The following PCDH9 variants were observed in gnomAD, a reference collection of about 807,000 sequenced individuals.
The protein encoded by PCDH9 is protocadherin-9.
Under a neutral mutation model 70.6 loss-of-function variants are expected in PCDH9, and 24 were observed. The observed-to-expected ratio is 0.34, with a 90% CI of 0.25 to 0.48. The LOEUF (loss-of-function observed/expected upper bound fraction) is 0.48, where lower values mean the gene tolerates loss of function less well. Among genes scored for constraint, PCDH9 ranks in the 20% least tolerant of loss-of-function variants. The pLI is 0.99. For missense variants in PCDH9, 1,281 were observed against 1,503.6 expected (o/e 0.85, Z 2.45); for synonymous variants, 562 against 558.5 (o/e 1.01, Z -0.09).
At chr13:66,857,112 A>T (rs1024926556) in intron 3 of PCDH9, among the ~76,000 whole-genome samples, 5 of 152,038 alleles carry the variant, frequency 3.3e-5, no homozygotes, top group Non-Finnish European at 7.4e-5. Context: ...TTTTTCAAGA[A>T]TTTAATCACG....
chr13:66,657,709 TC>T (rs1430815344), intron 3 of PCDH9, among the ~76,000 whole-genome samples: 3 of 152,160 alleles, frequency 2.0e-5, no homozygotes, highest in Non-Finnish European at 4.4e-5. Context: ...TCATAATATC[TC>T]CTCCTGCCAA....
chr13:66,857,256 T>C (rs1185660383), intron 3 of PCDH9, among the ~76,000 whole-genome samples: 1 of 152,142 alleles, frequency 6.6e-6, no homozygotes, highest in Non-Finnish European at 1.5e-5. Flanking sequence ...TGTGCTTTAT[T>C]ATAAATCCAT....
At chr13:66,703,840 G>A (rs1260836169) in intron 3 of PCDH9, among the ~76,000 whole-genome samples, 4 of 152,040 alleles carry the variant, frequency 2.6e-5, no homozygotes, top group Non-Finnish European at 5.9e-5. Context: ...GGTGGAAGCT[G>A]CAGTGAGCCA....
chr13:66,954,071 C>T (rs1407316486), intron 2 of PCDH9, among the ~76,000 whole-genome samples: 1 of 152,144 alleles, frequency 6.6e-6, no homozygotes, highest in Non-Finnish European at 1.5e-5. Context: ...TTAGGCAGGG[C>T]CATCCATCTA....
At chr13:66,960,008 T>C (rs1415602550) in intron 2 of PCDH9, among the ~76,000 whole-genome samples, 1 of 152,128 alleles carries the variant, frequency 6.6e-6, no homozygotes, top group Admixed American at 6.5e-5. Flanking sequence ...AGAATACTTA[T>C]TAGGGAGAAA....
intron 3 of PCDH9, among the ~76,000 whole-genome samples, chr13:66,817,052 A>T (rs906434175): frequency 1.3e-5 from 2 of 152,022 alleles, no homozygotes; most frequent in Admixed American, 6.6e-5. Flanking sequence ...TTTAAAAAGC[A>T]ATATAGCAAA....
At chr13:67,014,180 G>A (rs1219301626) in intron 2 of PCDH9, among the ~76,000 whole-genome samples, 7 of 151,968 alleles carry the variant, frequency 4.6e-5, no homozygotes, top group East Asian at 1.9e-4. Flanking sequence ...ACTAGCTTAC[G>A]ATACACACTT....
In PCDH9 at chr13:66,743,415, A is replaced by T. The variant is rs1454186532; in HGVS notation, c.3139-112004T>A. Among the ~76,000 whole-genome samples, 3 of 147,370 alleles carry T rather than the reference A, an allele frequency of 2.0e-5. No individual in the cohort carries two copies. In the Admixed American group the frequency reaches 2.1e-4, roughly 10 times the overall value. On this transcript the variant is annotated intron_variant, in intron 3 of 4. Transcript: ENST00000377865. ...GGCTAGATGACGAGTTAGTGGGTGC[A>T]GCGCACCAGCATGGCACATGTATAC...
At chr13:66,360,160 C>T (rs1956445642) in intron 4 of PCDH9, among the ~76,000 whole-genome samples, 1 of 152,012 alleles carries the variant, frequency 6.6e-6, no homozygotes, top group African/African-American at 2.4e-5. Context: ...AACTAAGAGT[C>T]CTTTTTTGCA....
At chr13:66,335,416 C>T (rs1343537841) in intron 4 of PCDH9, among the ~76,000 whole-genome samples, 1 of 152,068 alleles carries the variant, frequency 6.6e-6, no homozygotes, top group Non-Finnish European at 1.5e-5. Context: ...AACAGCAACA[C>T]TCACAACCAA....
intron 3 of PCDH9, among the ~76,000 whole-genome samples, chr13:66,790,496 G>A (rs1217862870): frequency 6.6e-6 from 1 of 151,906 alleles, no homozygotes; most frequent in East Asian, 1.9e-4. Flanking sequence ...AAAATTTCCT[G>A]TCTATGAAGA....
At chr13:66,880,306 CT>C (rs950042678) in intron 3 of PCDH9, 2 of 152,136 alleles carry the variant, frequency 1.3e-5, no homozygotes, top group Non-Finnish European at 2.9e-5. Flanking sequence ...TAAAAAGCCC[CT>C]GGGTACAATC....
intron 2 of PCDH9, among the ~76,000 whole-genome samples, chr13:67,119,635 T>C (rs2086840831): frequency 1.3e-5 from 2 of 152,192 alleles, no homozygotes; most frequent in Admixed American, 6.5e-5. Context: ...AAATTTGTTT[T>C]ATGCTTTATT....
At chr13:66,909,671 A>G (rs1003938108) in intron 2 of PCDH9, among the ~76,000 whole-genome samples, 6 of 152,156 alleles carry the variant, frequency 3.9e-5, no homozygotes, top group Non-Finnish European at 8.8e-5. Context: ...AGGGAGGCTG[A>G]GGCAGGAGAA....
At chr13:66,754,660 G>A (rs2079513331) in intron 3 of PCDH9, among the ~76,000 whole-genome samples, 1 of 151,908 alleles carries the variant, frequency 6.6e-6, no homozygotes, top group Non-Finnish European at 1.5e-5. Flanking sequence ...TCATAACAAT[G>A]TAGTAAATAT....
chr13:66,721,848 T>G (rs2078945244), intron 3 of PCDH9, among the ~76,000 whole-genome samples: 1 of 152,194 alleles, frequency 6.6e-6, no homozygotes, highest in African/African-American at 2.4e-5. Flanking sequence ...CCTGTTATAG[T>G]GCTGCTCTCA....
intron 2 of PCDH9, among the ~76,000 whole-genome samples, chr13:67,102,424 A>G (rs574509700): frequency 6.6e-6 from 1 of 152,286 alleles, no homozygotes; most frequent in Non-Finnish European, 1.5e-5. Context: ...TAAAACACTG[A>G]CATCCAGACA....
At chr13:66,909,517 C>G (rs1465166178) in intron 2 of PCDH9, among the ~76,000 whole-genome samples, 1 of 152,070 alleles carries the variant, frequency 6.6e-6, no homozygotes, top group Non-Finnish European at 1.5e-5. Flanking sequence ...CGCCTGTAAT[C>G]CCAGCACTTT....
At chr13:66,363,510 T>C (rs1311408964) in intron 4 of PCDH9, among the ~76,000 whole-genome samples, 1 of 152,152 alleles carries the variant, frequency 6.6e-6, no homozygotes, top group Non-Finnish European at 1.5e-5. Flanking sequence ...AAGTTCAATA[T>C]TTAAATAACA....
Sources: gnomAD v4.1 joint callset for allele counts (sites outside exome capture counted in the v4.1 genomes callset) on GRCh38, gnomAD v4.1.1 for gene constraint, MANE v1.5 for transcripts, NCBI Gene and HGNC (gene_info 2026-07-23, HGNC 2026-07-21) for gene names.